The following ABCA10 variants were observed in gnomAD, a reference collection of about 807,000 sequenced individuals.
ABCA10 encodes the protein ATP-binding cassette sub-family A member 10.
In ABCA10, 169 loss-of-function variants were observed where a neutral mutation model predicts 187.5. That is an observed-to-expected ratio of 0.90 (90% CI 0.80 to 1.02). The LOEUF (loss-of-function observed/expected upper bound fraction) is 1.02, where lower values mean the gene tolerates loss of function less well. Ranked by LOEUF, ABCA10 falls within the 50% of genes least tolerant of loss-of-function variation. The pLI, the probability that ABCA10 is intolerant of heterozygous loss-of-function variation, is 0.00. For synonymous variants in ABCA10, 574 were observed against 601.8 expected, an observed-to-expected ratio of 0.95 and a Z score of 0.68; for missense variants, 1,727 against 1,812.4, an observed-to-expected ratio of 0.95 and a Z score of 0.86.
At position 69,206,345 on chromosome 17, in the gene ABCA10, A is replaced by G. The variant is rs151311460; in HGVS notation, c.1007-4677T>C. On this transcript the variant is annotated intron_variant, in intron 9 of 38. Transcript: ENST00000690296. ...AGCAGACATCAATAAGGTGTGGAAT[A>G]GGACTTCCCAGCACTTGTTCCCCAG... Among the ~76,000 whole-genome samples, 15 of 152,350 alleles carry G rather than the reference A, an allele frequency of 9.8e-5. No homozygotes were observed. In the East Asian group the frequency reaches 2.9e-3, roughly 29 times the overall value.
At chr17:69,237,398 T>C (rs753100358) in intron 1 of ABCA10, among the ~76,000 whole-genome samples, 1 of 152,196 alleles carries the variant, frequency 6.6e-6, no homozygotes, top group Non-Finnish European at 1.5e-5. Flanking sequence ...ATCTGGTTAA[T>C]CTACTCAACT....
chr17:69,221,818 C>T lies in ABCA10; in HGVS notation c.277G>A (p.Ala93Thr), dbSNP rs1304388769. The T allele has an allele frequency of 6.8e-6, 11 of 1,613,098 alleles. No homozygotes were observed. Among genetic ancestry groups the T allele is most frequent in the Non-Finnish European group, 8.5e-6 (10 of 1,179,602 alleles). ...TCTATAATTGCAGCATTAATTGCAG[C>T]TTGAAAAGCTACAAACCCTTTTAGC... ...YWLKGFVAFQAAINAAIIEVT... is the reference protein window; with the variant it reads ...YWLKGFVAFQTAINAAIIEVT... Residue 93 changes from alanine (A) to threonine (T), a missense_variant, in exon 5 of 39, where the codon GCT becomes ACT. Coordinates refer to ENST00000690296, the MANE Select transcript of ABCA10 (RefSeq NM_001377321.1).
chr17:69,234,632 G>A (rs1422485451), intron 1 of ABCA10: 2 of 152,210 alleles, frequency 1.3e-5, no homozygotes, highest in African/African-American at 4.8e-5. Context: ...TTGGTCTGTG[G>A]TGGTGCAGAA....
intron 19 of ABCA10, among the ~76,000 whole-genome samples, chr17:69,187,088 A>C (rs563019487): frequency 6.6e-6 from 1 of 152,274 alleles, no homozygotes; most frequent in South Asian, 2.1e-4. Flanking sequence ...GTAGGGTGTC[A>C]GATTGAAAGA....
At position 69,201,616 on chromosome 17, in the gene ABCA10, C is replaced by A. The variant is rs554262102; in HGVS notation, c.1059G>T (p.Trp353Cys). 7 of 1,611,444 alleles carry A rather than the reference C, an allele frequency of 4.3e-6. No individual in the cohort carries two copies. Among genetic ancestry groups the A allele is most frequent in the African/African-American group, 1.3e-5 (1 of 74,884 alleles). The change falls in exon 10 of 39, where the codon TGG becomes TGT. Residue 353 changes from tryptophan (W) to cysteine (C), a missense_variant. Transcript: ENST00000690296. ...SPLFFLKSSF[W>C]SKHQNTHHEI... ...CATGATGAGTATTTTGATGTTTGGA[C>A]CAAAATGAGGACTTAAGGAAAAATA...
intron 34 of ABCA10, among the ~76,000 whole-genome samples, chr17:69,152,778 C>T (rs555356324): frequency 1.1e-4 from 16 of 147,720 alleles, no homozygotes; most frequent in African/African-American, 3.5e-4. Flanking sequence ...TGGAGAAAGA[C>T]CCTGTGTCAA....
intron 9 of ABCA10, among the ~76,000 whole-genome samples, chr17:69,202,026 G>A (rs1254919265): frequency 6.6e-6 from 1 of 152,094 alleles, no homozygotes. Context: ...CAGGCGATCC[G>A]CCCACCTCGG....
At chr17:69,158,627 G>T (rs1348195895) in intron 27 of ABCA10, among the ~76,000 whole-genome samples, 2 of 151,844 alleles carry the variant, frequency 1.3e-5, no homozygotes, top group Non-Finnish European at 2.9e-5. Flanking sequence ...TACTGCTCTA[G>T]CAAAATAAAC....
rs547103183 is a variant in ABCA10, at chr17:69,192,473, T to C, written c.1871+90A>G. On this transcript the variant is annotated intron_variant, in intron 16 of 38. Coordinates refer to ENST00000690296, the MANE Select transcript of ABCA10 (RefSeq NM_001377321.1). ...AAAACAGTTTCTACCAGAAGTTAAG[T>C]TGCCTTTCTTATATTTCTAAAGGCT... The C allele has an allele frequency of 2.7e-6, 3 of 1,128,998 alleles. No homozygotes were observed. The South Asian group carries it at 4.4e-5, about 17-fold the overall frequency. 69.9% of individuals were successfully genotyped at this position (1,128,998 alleles called of 1,614,324 possible). A position where few individuals can be genotyped will look rare whatever the true frequency, so the allele number is the denominator to read the frequency against.
At chr17:69,171,005 T>C (rs2030145542) in intron 25 of ABCA10, among the ~76,000 whole-genome samples, 1 of 152,232 alleles carries the variant, frequency 6.6e-6, no homozygotes, top group African/African-American at 2.4e-5. Flanking sequence ...AGTTGGCTTG[T>C]ACAATCGTAG....
At chr17:69,152,289 A>C in intron 35 of ABCA10, 73 bp downstream of exon 35, 1 of 1,578,392 alleles carries the variant, frequency 6.3e-7, no homozygotes, top group Admixed American at 1.8e-5. Context: ...GTAGAGCATC[A>C]GCTGTTCATA....
chr17:69,155,839 G>A lies in ABCA10; in HGVS notation c.3542C>T (p.Ala1181Val), dbSNP rs202129931. Residue 1181 changes from alanine to valine, a missense_variant, in exon 29 of 39, where the codon GCA (alanine) becomes GTA (valine). Transcript: ENST00000690296. ...DEDVQAERVQAANALTAPNLE... is the reference protein window; with the variant it reads ...DEDVQAERVQVANALTAPNLE... ...GTTTGGAGCAGTGAGTGCATTTGCT[G>A]CTTGGACTCTTTCAGCTTGAACATC... 6 of 1,613,784 alleles carry A rather than the reference G, an allele frequency of 3.7e-6. No homozygotes were observed. In the East Asian group the frequency reaches 8.9e-5, roughly 24 times the overall value.
chr17:69,227,118 T>TATATATATATATAC (rs2074800620), intron 2 of ABCA10, 27 bp downstream of exon 2: 1 of 148,884 alleles, frequency 6.7e-6, no homozygotes. Context: ...ATTATGGATA[T>TATATATATATATAC]ATATATATAT....
At chr17:69,226,262 TG>T (rs1347617762) in intron 2 of ABCA10, among the ~76,000 whole-genome samples, 2 of 152,060 alleles carry the variant, frequency 1.3e-5, no homozygotes, top group Non-Finnish European at 2.9e-5. Flanking sequence ...ATCTGGATGG[TG>T]GATGTATAGG....
intron 1 of ABCA10, among the ~76,000 whole-genome samples, chr17:69,243,586 T>C (rs1368519476): frequency 1.3e-5 from 2 of 152,236 alleles, no homozygotes; most frequent in South Asian, 2.1e-4. Flanking sequence ...GGAAGTTTTG[T>C]GTATTTTGCC....
Position 69,154,189 on chromosome 17 carries a change from G to T in ABCA10, c.3786+46C>A. The T allele has an allele frequency of 2.7e-6, 4 of 1,504,270 alleles. No homozygotes were observed. The South Asian group carries it at 4.9e-5, about 19-fold the overall frequency. 93.2% of individuals were successfully genotyped at this position (1,504,270 alleles called of 1,614,324 possible). The stretch of plus-strand genomic sequence containing the variant: ...GATTTACTGATAGGAATAATAGAAA[G>T]ATGTCATCAATATTTAAAATAAAAT... On this transcript the variant is annotated intron_variant, in intron 31 of 38. Coordinates refer to ENST00000690296, the MANE Select transcript of ABCA10 (RefSeq NM_001377321.1).
chr17:69,189,225 T>C (rs765640908), intron 18 of ABCA10, among the ~76,000 whole-genome samples: 10 of 152,108 alleles, frequency 6.6e-5, no homozygotes, highest in Non-Finnish European at 1.5e-4. Flanking sequence ...AATAGCTATT[T>C]TGACTGGTGT....
intron 9 of ABCA10, among the ~76,000 whole-genome samples, chr17:69,205,065 T>C (rs2074581067): frequency 6.6e-6 from 1 of 152,104 alleles, no homozygotes; most frequent in Non-Finnish European, 1.5e-5. Context: ...GAGGCAGAGG[T>C]TGCAGTGAGC....
chr17:69,221,916 A>G, intron 4 of ABCA10, 21 bp from the exon 5 acceptor site: 1 of 1,556,274 alleles, frequency 6.4e-7, no homozygotes, highest in Non-Finnish European at 8.8e-7. Context: ...GAAGAAAAAC[A>G]TGTCCATAGT....
Sources: allele counts gnomAD v4.1 joint callset (sites outside exome capture counted in the v4.1 genomes callset), GRCh38; gene constraint gnomAD v4.1.1; transcripts MANE v1.5; gene names NCBI Gene and HGNC (gene_info 2026-07-23, HGNC 2026-07-21).